Variants in PPP2R2B observed in about 807,000 individuals in gnomAD.
The protein encoded by PPP2R2B is serine/threonine-protein phosphatase 2A 55 kDa regulatory subunit B beta isoform.
A neutral mutation model predicts 46.0 loss-of-function variants in PPP2R2B; 5 were observed. The observed-to-expected ratio is 0.11, with a 90% CI of 0.06 to 0.23. PPP2R2B has a LOEUF of 0.23. Among genes scored for constraint, PPP2R2B ranks in the 10% least tolerant of loss-of-function variants. The pLI is 1.00. For missense variants in PPP2R2B, 367 were observed against 575.0 expected, an observed-to-expected ratio of 0.64 and a Z score of 3.70; for synonymous variants, 215 against 206.7, an observed-to-expected ratio of 1.04 and a Z score of -0.34.
rs1057263885 is a variant in PPP2R2B at position 146,797,298 on chromosome 5, T to C, written c.70+80704A>G. ...CTTTTTAAAAAATCCATGCCACTATTGCTAATTTTTTCATTTCCACAAGCT... is the reference window on the plus strand; with the variant it reads ...CTTTTTAAAAAATCCATGCCACTATCGCTAATTTTTTCATTTCCACAAGCT... On this transcript the variant is annotated intron_variant, in intron 2 of 9. Transcript: ENST00000394411. Among the ~76,000 whole-genome samples, 3 of 152,354 alleles carry C rather than the reference T, an allele frequency of 2.0e-5. No homozygotes were observed. The South Asian group carries it at 6.2e-4, about 32-fold the overall frequency.
At chr5:146,591,671 T>C (rs1310777094) in intron 9 of PPP2R2B, among the ~76,000 whole-genome samples, 20 of 123,110 alleles carry the variant, frequency 1.6e-4, no homozygotes, top group African/African-American at 7.0e-5. Context: ...GAGATTATTT[T>C]CCAAAAAAAA....
rs1763582780 is a variant in PPP2R2B at position 146,920,941 on chromosome 5, A to G, written c.79+134724T>C. Among the ~76,000 whole-genome samples the G allele has an allele frequency of 2.0e-5, 3 of 152,228 alleles. No individual in the cohort carries two copies. The South Asian group carries it at 6.2e-4, about 32-fold the overall frequency. ...CAAAACCTCTTTGGAGAGAATTAAA[A>G]TGGAAAAATGTGTTAAGTAAGTACA... On this transcript the variant is annotated intron_variant, in intron 1 of 8. Transcript: ENST00000336640.
Position 146,616,677 on chromosome 5 carries a change from A to G in PPP2R2B, c.791-16217T>C, listed in dbSNP as rs73317473. On this transcript the variant is annotated intron_variant, in intron 7 of 9. Coordinates refer to ENST00000394411, the MANE Select transcript of PPP2R2B (RefSeq NM_181675.4). ...AACTGCAAATCAAAACTACAATTAG[A>G]TATCATCTGACCCTAGTTAAAATGG... 6.8e-3 allele frequency among the ~76,000 whole-genome samples: 1,031 copies of G among 152,344 alleles called. 15 individuals are homozygous for G. Among genetic ancestry groups the G allele is most frequent in the African/African-American group, 0.024 (980 of 41,576 alleles).
intron 2 of PPP2R2B, among the ~76,000 whole-genome samples, chr5:146,702,288 A>T (rs1200832302): frequency 6.6e-6 from 1 of 152,206 alleles, no homozygotes; most frequent in East Asian, 1.9e-4. Flanking sequence ...TCCACTTCAC[A>T]TATAACTGTT....
At chr5:146,913,760 T>C (rs1445963137) in intron 1 of PPP2R2B, among the ~76,000 whole-genome samples, 2 of 152,184 alleles carry the variant, frequency 1.3e-5, no homozygotes, top group African/African-American at 2.4e-5. Flanking sequence ...TCATTCAACT[T>C]TAAGGACTAA....
chr5:146,876,745 C>G (rs1351516388), intron 2 of PPP2R2B, among the ~76,000 whole-genome samples: 1 of 152,152 alleles, frequency 6.6e-6, no homozygotes, highest in Admixed American at 6.5e-5. Context: ...GCTTGATGCT[C>G]TCCAAAAATG....
At position 147,037,637 on chromosome 5, in the gene PPP2R2B, G is replaced by A. The variant is rs186463649; in HGVS notation, c.79+18028C>T. ...TGTGTATCATGGGATATGTATCTAC[G>A]CCATCTGTAGAATGGCACAGAATAG... On this transcript the variant is annotated intron_variant, in intron 1 of 8. Transcript: ENST00000336640. Among the ~76,000 whole-genome samples the A allele has an allele frequency of 1.4e-3, 213 of 152,044 alleles. 1 individual carries two copies. Among genetic ancestry groups the A allele is most frequent in the Non-Finnish European group, 2.2e-3 (147 of 67,974 alleles).
intron 4 of PPP2R2B, among the ~76,000 whole-genome samples, chr5:146,693,982 TCTC>T (rs1217243972): frequency 6.6e-6 from 1 of 152,078 alleles, no homozygotes; most frequent in Non-Finnish European, 1.5e-5. Flanking sequence ...TTCCTCCACT[TCTC>T]CTCACCTGAC....
intron 1 of PPP2R2B, among the ~76,000 whole-genome samples, chr5:146,923,495 C>A (rs1316767754): frequency 6.6e-6 from 1 of 152,210 alleles, no homozygotes; most frequent in Non-Finnish European, 1.5e-5. Flanking sequence ...ACAGTTAGAC[C>A]ATTGCACCAT....
At chr5:146,923,350 A>G (rs534645403) in intron 1 of PPP2R2B, among the ~76,000 whole-genome samples, 2 of 152,328 alleles carry the variant, frequency 1.3e-5, no homozygotes, top group African/African-American at 4.8e-5. Context: ...CCTAAGTAGA[A>G]CTGGATTGCA....
intron 1 of PPP2R2B, among the ~76,000 whole-genome samples, chr5:146,892,995 C>G (rs1032563489): frequency 2.2e-4 from 33 of 152,166 alleles, no homozygotes; most frequent in Non-Finnish European, 4.0e-4. Flanking sequence ...TCTGTCACCC[C>G]TTTCACAAAC....
intron 1 of PPP2R2B, among the ~76,000 whole-genome samples, chr5:146,940,828 T>C (rs982295393): frequency 6.6e-6 from 1 of 152,172 alleles, no homozygotes; most frequent in African/African-American, 2.4e-5. Flanking sequence ...CAAACAGGTA[T>C]GATTTTATTA....
rs146732190 is a variant in PPP2R2B at position 146,780,207 on chromosome 5, G to A, written c.71-79065C>T. ...AGCCTCAATTATCTCTGGGATTAGT[G>A]CCTCAAAATCAGAGAAGTAGTACAT... On this transcript the variant is annotated intron_variant, in intron 2 of 9. Coordinates refer to ENST00000394411, the MANE Select transcript of PPP2R2B (RefSeq NM_181675.4). 2.9e-3 allele frequency among the ~76,000 whole-genome samples: 445 copies of A among 152,258 alleles called. 2 individuals are homozygous for A. The highest frequency in any genetic ancestry group is 0.01 in the African/African-American group (425 of 41,550).
chr5:146,846,957 C>A (rs1760048409), intron 2 of PPP2R2B, among the ~76,000 whole-genome samples: 1 of 152,196 alleles, frequency 6.6e-6, no homozygotes, highest in Non-Finnish European at 1.5e-5. Context: ...TTATCTCATG[C>A]AGATCTTAGA....
chr5:146,966,745 T>C (rs915178189), intron 1 of PPP2R2B, among the ~76,000 whole-genome samples: 25 of 152,158 alleles, frequency 1.6e-4, no homozygotes, highest in African/African-American at 5.8e-4. Context: ...GTGTAGCCTA[T>C]AGCATAAAAA....
chr5:146,669,768 C>G (rs144932556), intron 5 of PPP2R2B, among the ~76,000 whole-genome samples: 5 of 152,272 alleles, frequency 3.3e-5, no homozygotes, highest in African/African-American at 1.2e-4. Context: ...AGAGCTGAGG[C>G]TCAGTGAGGT....
chr5:146,933,586 G>C (rs902157670), intron 1 of PPP2R2B, among the ~76,000 whole-genome samples: 7 of 151,854 alleles, frequency 4.6e-5, no homozygotes, highest in African/African-American at 1.7e-4. Context: ...ACTTCAGGGA[G>C]ATTACCAAGC....
chr5:147,058,417 G>A (rs191367451), upstream of PPP2R2B, among the ~76,000 whole-genome samples: 64 of 152,244 alleles, frequency 4.2e-4, no homozygotes, highest in African/African-American at 1.5e-3. Context: ...TAGGCACTCA[G>A]TAATTACTTC....
chr5:146,649,034 G>A (rs1530418), intron 6 of PPP2R2B, among the ~76,000 whole-genome samples: 59 of 152,268 alleles, frequency 3.9e-4, no homozygotes, highest in African/African-American at 1.2e-3. Context: ...TGAAGGGTTC[G>A]TACTGTATAA....
Sources: gnomAD v4.1 joint callset for allele counts (sites outside exome capture counted in the v4.1 genomes callset) on GRCh38, gnomAD v4.1.1 for gene constraint, MANE v1.5 for transcripts, NCBI Gene and HGNC (gene_info 2026-07-23, HGNC 2026-07-21) for gene names.